Variants in TMEM135 observed in about 807,000 individuals in gnomAD.
TMEM135 encodes transmembrane protein 135.
Under a neutral mutation model 60.3 loss-of-function variants are expected in TMEM135, and 30 were observed. That is an observed-to-expected ratio of 0.50 (90% CI 0.37 to 0.68). The LOEUF is 0.68. Among genes scored for constraint, TMEM135 ranks in the 30% least tolerant of loss-of-function variants. The pLI is 0.00. For synonymous variants in TMEM135, 190 were observed against 186.7 expected (o/e 1.02, Z -0.14); for missense variants, 468 against 548.8 (o/e 0.85, Z 1.47).
chr11:87,240,891 A>ATGGTTCCAAC (rs60929059), intron 6 of TMEM135, among the ~76,000 whole-genome samples: 99,584 of 151,576 alleles, frequency 0.66, 33,335 homozygotes, highest in Non-Finnish European at 0.71. Context: ...TATAGATTGA[A>ATGGTTCCAAC]TTGTCATAGC....
intron 4 of TMEM135, among the ~76,000 whole-genome samples, chr11:87,113,105 A>G (rs1024987319): frequency 6.6e-6 from 1 of 152,118 alleles, no homozygotes; most frequent in Non-Finnish European, 1.5e-5. Context: ...TCTCTAAGGC[A>G]TGCCCTTTGT....
chr11:87,223,316 C>T (rs979854873), intron 5 of TMEM135, among the ~76,000 whole-genome samples: 1 of 151,460 alleles, frequency 6.6e-6, no homozygotes, highest in African/African-American at 2.4e-5. Context: ...AGGCGCCAGC[C>T]ACCATGCCCA....
At chr11:87,218,603 A>G (rs1265977815) in intron 5 of TMEM135, among the ~76,000 whole-genome samples, 2 of 152,162 alleles carry the variant, frequency 1.3e-5, no homozygotes, top group African/African-American at 4.8e-5. Context: ...TTTCTGTCAC[A>G]GTGATTCATG....
intron 4 of TMEM135, among the ~76,000 whole-genome samples, chr11:87,107,382 T>G (rs977298109): frequency 9.2e-5 from 14 of 151,996 alleles, no homozygotes; most frequent in African/African-American, 3.4e-4. Flanking sequence ...GTCATTTACA[T>G]TAGGTGTTTC....
chr11:87,088,908 T>C (rs1191853863), intron 3 of TMEM135, among the ~76,000 whole-genome samples: 1 of 152,216 alleles, frequency 6.6e-6, no homozygotes, highest in Admixed American at 6.5e-5. Flanking sequence ...TTAGTTATGA[T>C]TGAGCACCAG....
chr11:87,049,873 G>T (rs1013789445), intron 1 of TMEM135, among the ~76,000 whole-genome samples: 4 of 114,404 alleles, frequency 3.5e-5, no homozygotes, highest in African/African-American at 7.4e-5. Flanking sequence ...ATTTTTTTGA[G>T]CACCACACCA....
intron 1 of TMEM135, among the ~76,000 whole-genome samples, chr11:87,054,031 T>C (rs541117280): frequency 5.4e-4 from 82 of 152,366 alleles, no homozygotes; most frequent in Non-Finnish European, 9.8e-4. Flanking sequence ...TGAATTGTTC[T>C]TACATATCAT....
At chr11:87,263,494 G>T (rs1179355156) in intron 6 of TMEM135, among the ~76,000 whole-genome samples, 1 of 151,994 alleles carries the variant, frequency 6.6e-6, no homozygotes, top group Admixed American at 6.6e-5. Flanking sequence ...TTTTACTCTA[G>T]GAACTGGTTG....
chr11:87,121,500 G>A (rs946179838), intron 4 of TMEM135: 2 of 151,988 alleles, frequency 1.3e-5, no homozygotes, highest in Admixed American at 6.6e-5. Flanking sequence ...ACTGGAAGGA[G>A]GGATTTGGTC....
intron 1 of TMEM135, among the ~76,000 whole-genome samples, chr11:87,042,782 A>T (rs935193107): frequency 2.0e-5 from 3 of 151,310 alleles, no homozygotes; most frequent in African/African-American, 7.4e-5. Context: ...ATTTGCCCTC[A>T]TGCTTCTTTT....
intron 3 of TMEM135, among the ~76,000 whole-genome samples, chr11:87,081,232 A>G (rs1856986247): frequency 6.6e-6 from 1 of 151,876 alleles, no homozygotes; most frequent in African/African-American, 2.4e-5. Flanking sequence ...AGGTTGAGTG[A>G]GCCATTTTAT....
intron 4 of TMEM135, among the ~76,000 whole-genome samples, chr11:87,118,152 G>A (rs1174832669): frequency 2.0e-5 from 3 of 151,994 alleles, no homozygotes; most frequent in Admixed American, 2.0e-4. Flanking sequence ...ATAAACACGT[G>A]TGCTTTGTTG....
intron 5 of TMEM135, among the ~76,000 whole-genome samples, chr11:87,193,215 G>A (rs570249001): frequency 6.6e-6 from 1 of 152,274 alleles, no homozygotes; most frequent in African/African-American, 2.4e-5. Context: ...GAGACAACAA[G>A]GTACCTGCTC....
At chr11:87,116,474 T>G (rs1490178218) in intron 4 of TMEM135, among the ~76,000 whole-genome samples, 1 of 152,182 alleles carries the variant, frequency 6.6e-6, no homozygotes, top group Non-Finnish European at 1.5e-5. Context: ...TTGAAACTTT[T>G]CAGAAACTTA....
chr11:87,122,437 A>ATTTATTTATTTATT (rs765586434), intron 4 of TMEM135, among the ~76,000 whole-genome samples: 5 of 144,916 alleles, frequency 3.5e-5, no homozygotes, highest in East Asian at 2.0e-4. Context: ...TTTAGTTTTT[A>ATTTATTTATTTATT]TATTTATTTA....
At chr11:87,219,374 G>T (rs559977630) in intron 5 of TMEM135, among the ~76,000 whole-genome samples, 3 of 152,272 alleles carry the variant, frequency 2.0e-5, no homozygotes, top group African/African-American at 7.2e-5. Flanking sequence ...GTTGGTTTCT[G>T]GTGAGACCTC....
intron 4 of TMEM135, among the ~76,000 whole-genome samples, chr11:87,113,658 A>T (rs1466724888): frequency 6.6e-6 from 1 of 152,092 alleles, no homozygotes. Flanking sequence ...CAGTTTTCAC[A>T]CTAATTAGTG....
intron 6 of TMEM135, among the ~76,000 whole-genome samples, chr11:87,267,219 G>A (rs1166899987): frequency 6.6e-6 from 1 of 152,078 alleles, no homozygotes; most frequent in Non-Finnish European, 1.5e-5. Flanking sequence ...TTAACAAAAA[G>A]CAATATTAGA....
chr11:87,174,539 T>C (rs1939320785), intron 5 of TMEM135, among the ~76,000 whole-genome samples: 1 of 152,060 alleles, frequency 6.6e-6, no homozygotes, highest in Admixed American at 6.6e-5. Flanking sequence ...AATATAGCAG[T>C]GTTAAAAAGC....
Sources: allele counts gnomAD v4.1 joint callset (sites outside exome capture counted in the v4.1 genomes callset), GRCh38; gene constraint gnomAD v4.1.1; transcripts MANE v1.5; gene names NCBI Gene and HGNC (gene_info 2026-07-23, HGNC 2026-07-21).